Variants in AMZ2 observed in about 807,000 individuals in gnomAD.
The protein encoded by AMZ2 is archaemetzincin-2.
A neutral mutation model predicts 36.7 loss-of-function variants in AMZ2; 26 were observed. That is an observed-to-expected ratio of 0.71 (90% CI 0.52 to 0.98). The LOEUF (loss-of-function observed/expected upper bound fraction) is 0.98, where lower values mean the gene tolerates loss of function less well. Among genes scored for constraint, AMZ2 ranks in the 50% least tolerant of loss-of-function variants. The pLI, the probability that AMZ2 is intolerant of heterozygous loss-of-function variation, is 0.00. For synonymous variants in AMZ2, 144 were observed against 149.1 expected (o/e 0.97, Z 0.25); for missense variants, 394 against 430.5 (o/e 0.92, Z 0.75).
chr17:68,239,947 G>A (rs569158087), intron 1 of AMZ2, among the ~76,000 whole-genome samples: 6 of 152,330 alleles, frequency 3.9e-5, no homozygotes, highest in South Asian at 2.1e-4. Flanking sequence ...ACTATCTATA[G>A]AGAAATACGA....
chr17:68,227,075 T>C (rs1310424755), intron 1 of AMZ2, among the ~76,000 whole-genome samples: 1 of 151,560 alleles, frequency 6.6e-6, no homozygotes, highest in African/African-American at 2.4e-5. Flanking sequence ...TTACCAGAAC[T>C]GGAACCCTTG....
intron 1 of AMZ2, among the ~76,000 whole-genome samples, chr17:68,237,871 T>C (rs1272626958): frequency 6.6e-6 from 1 of 152,126 alleles, no homozygotes; most frequent in Non-Finnish European, 1.5e-5. Context: ...GCAGCGGCTG[T>C]TCCCTCCCCC....
chr17:68,221,778 C>A (rs2073374792), intron 1 of AMZ2, among the ~76,000 whole-genome samples: 1 of 151,948 alleles, frequency 6.6e-6, no homozygotes, highest in South Asian at 2.1e-4. Context: ...CCTGTAATCC[C>A]AGCTACTCAG....
intron 5 of AMZ2, 54 bp downstream of exon 5, chr17:68,254,621 C>CGGGCGCGGTGGCTCACGCCT: frequency 2.8e-6 from 4 of 1,442,370 alleles, no homozygotes; most frequent in Non-Finnish European, 3.8e-6. Context: ...ATCTTAGTTC[C>CGGGCGCGGTGGCTCACGCCT]GTAAACTGTA....
intron 4 of AMZ2, among the ~76,000 whole-genome samples, chr17:68,252,857 T>C (rs2074589357): frequency 6.6e-6 from 1 of 152,220 alleles, no homozygotes; most frequent in African/African-American, 2.4e-5. Context: ...TGTTCGTTTA[T>C]CTAGATATTG....
intron 1 of AMZ2, among the ~76,000 whole-genome samples, chr17:68,218,755 C>A (rs1168000585): frequency 3.3e-4 from 50 of 152,228 alleles, no homozygotes; most frequent in Admixed American, 1.8e-3. Context: ...ATTACCTACT[C>A]TTCATCTAGT....
chr17:68,243,797 A>G (rs2073950754), upstream of AMZ2, among the ~76,000 whole-genome samples: 1 of 152,216 alleles, frequency 6.6e-6, no homozygotes, highest in African/African-American at 2.4e-5. Context: ...TCAAAAAAAG[A>G]TCAAGGTTGG....
exon 1 of AMZ2, chr17:68,206,129 G>A: frequency 7.6e-7 from 1 of 1,307,596 alleles, no homozygotes; most frequent in Non-Finnish European, 9.8e-7. Flanking sequence ...ATGAGATGGA[G>A]GAGGACGAGG....
At chr17:68,231,283 T>G (rs1410404497) in intron 1 of AMZ2, among the ~76,000 whole-genome samples, 2 of 151,990 alleles carry the variant, frequency 1.3e-5, no homozygotes, top group Non-Finnish European at 2.9e-5. Flanking sequence ...ATGGTCCAGG[T>G]TGGTCTTGAA....
At chr17:68,250,735 T>G in intron 2 of AMZ2, 59 bp from the exon 3 acceptor site, 1 of 1,436,182 alleles carries the variant, frequency 7.0e-7, no homozygotes, top group Non-Finnish European at 9.4e-7. Context: ...ACTCATAGAC[T>G]GGGTAAACAC....
chr17:68,211,121 G>A (rs2073032709), intron 1 of AMZ2, among the ~76,000 whole-genome samples: 1 of 142,004 alleles, frequency 7.0e-6, no homozygotes, highest in South Asian at 2.1e-4. Context: ...AAATTCACAG[G>A]AAGTAAGTAA....
chr17:68,220,782 C>CT (rs11298867), intron 1 of AMZ2, among the ~76,000 whole-genome samples: 190 of 131,802 alleles, frequency 1.4e-3, no homozygotes, highest in East Asian at 7.6e-3. Flanking sequence ...TTTTCTTTCT[C>CT]TTTTTTTTTT....
At chr17:68,222,348 G>A (rs1185556954) in intron 1 of AMZ2, among the ~76,000 whole-genome samples, 1 of 152,220 alleles carries the variant, frequency 6.6e-6, no homozygotes, top group Admixed American at 6.5e-5. Flanking sequence ...TAAGCTACAC[G>A]CACAGTGGCT....
At position 68,249,033 on chromosome 17, in the gene AMZ2, C is replaced by T. The variant is rs782366875; in HGVS notation, c.-1+328C>T. The T allele has an allele frequency of 1.2e-5, 14 of 1,171,818 alleles. 1 individual carries two copies. Among genetic ancestry groups the T allele is most frequent in the Middle Eastern group, 3.4e-4 (1 of 2,944 alleles). 72.6% of individuals were successfully genotyped at this position (1,171,818 alleles called of 1,614,324 possible). On this transcript the variant is annotated intron_variant, in intron 1 of 6. Coordinates refer to ENST00000359904, the MANE Select transcript of AMZ2 (RefSeq NM_016627.5). ...AAGCCTCGTGGTGGAACATCGGACC[C>T]ATTCAAGAGGAAGGATGAAAGCTCT...
At chr17:68,207,313 A>ACG (rs1555724633) in intron 1 of AMZ2, 1 of 110,654 alleles carries the variant, frequency 9.0e-6, no homozygotes, top group African/African-American at 3.4e-5. Context: ...TTTGTTAAAT[A>ACG]CCCCCCCCCC....
At chr17:68,252,944 G>C (rs149101251) in intron 4 of AMZ2, among the ~76,000 whole-genome samples, 10 of 152,086 alleles carry the variant, frequency 6.6e-5, no homozygotes, top group Admixed American at 6.5e-4. Flanking sequence ...TTCTTTTTTT[G>C]GTAAGTTTCT....
At chr17:68,211,880 A>G (rs1188644240) in intron 1 of AMZ2, among the ~76,000 whole-genome samples, 1 of 149,540 alleles carries the variant, frequency 6.7e-6, no homozygotes, top group Non-Finnish European at 1.5e-5. Flanking sequence ...GTGTGTATGT[A>G]TATATATATG....
At chr17:68,208,245 C>T (rs548463878) in intron 1 of AMZ2, among the ~76,000 whole-genome samples, 31 of 152,298 alleles carry the variant, frequency 2.0e-4, no homozygotes, top group African/African-American at 6.5e-4. Context: ...GGCCCCAGTG[C>T]GGGATCCACT....
At chr17:68,233,909 C>T (rs113375362) in intron 1 of AMZ2, among the ~76,000 whole-genome samples, 161 of 152,170 alleles carry the variant, frequency 1.1e-3, no homozygotes, top group African/African-American at 3.6e-3. Flanking sequence ...TCTTGCTGTG[C>T]TGGGTCACCC....
Sources: allele counts gnomAD v4.1 joint callset (sites outside exome capture counted in the v4.1 genomes callset), GRCh38; gene constraint gnomAD v4.1.1; transcripts MANE v1.5; gene names NCBI Gene and HGNC (gene_info 2026-07-23, HGNC 2026-07-21).